Variants in MTA3 observed in about 807,000 individuals in gnomAD.
MTA3 encodes metastasis associated 1 family member 3.
In MTA3, 34 loss-of-function variants were observed where a neutral mutation model predicts 83.5. That is an observed-to-expected ratio of 0.41 (90% CI 0.31 to 0.54). MTA3 has a LOEUF of 0.54. Ranked by LOEUF, MTA3 falls within the 20% of genes least tolerant of loss-of-function variation. The pLI, the probability that MTA3 is intolerant of heterozygous loss-of-function variation, is 0.33. For missense variants in MTA3, 761 were observed against 726.4 expected, an observed-to-expected ratio of 1.05 and a Z score of -0.55; for synonymous variants, 303 against 252.7, an observed-to-expected ratio of 1.20 and a Z score of -1.89.
chr2:42,718,113 G>A (rs573514180), intron 14 of MTA3, among the ~76,000 whole-genome samples: 14 of 84,774 alleles, frequency 1.7e-4, no homozygotes, highest in Admixed American at 2.9e-4. Flanking sequence ...TTTTTTTTTC[G>A]CTTTATTTCT....
chr2:42,568,741 C>T lies in MTA3; in HGVS notation c.-5C>T, dbSNP rs1331661372. The T allele has an allele frequency of 7.4e-6, 9 of 1,216,910 alleles. No individual in the cohort carries two copies. The highest frequency in any genetic ancestry group is 3.2e-5 in the African/African-American group (2 of 63,462). 75.4% of individuals were successfully genotyped at this position (1,216,910 alleles called of 1,614,324 possible). ...GGCTCGGGCTCCGCGGGCGGGCGGG[C>T]GGACATGGCGGCCAACATGTACCGG... On this transcript the variant is annotated 5_prime_UTR_variant, in exon 1 of 17. Coordinates refer to ENST00000405094, the MANE Select transcript of MTA3 (RefSeq NM_001330442.2).
At chr2:42,732,484 T>C (rs1463295606) in intron 16 of MTA3, among the ~76,000 whole-genome samples, 8 of 152,200 alleles carry the variant, frequency 5.3e-5, no homozygotes, top group Admixed American at 5.2e-4. Flanking sequence ...GCCTGGCCTA[T>C]GAAACCACTT....
intron 3 of MTA3, among the ~76,000 whole-genome samples, chr2:42,580,788 G>T (rs1194871606): frequency 6.6e-6 from 1 of 152,156 alleles, no homozygotes; most frequent in Non-Finnish European, 1.5e-5. Flanking sequence ...TAGAGACAGG[G>T]TTTCACCATG....
At chr2:42,747,830 T>A (rs891838755) in intron 16 of MTA3, among the ~76,000 whole-genome samples, 1 of 152,016 alleles carries the variant, frequency 6.6e-6, no homozygotes, top group African/African-American at 2.4e-5. Flanking sequence ...TATTAAAATA[T>A]ACAATTTAAT....
intron 4 of MTA3, among the ~76,000 whole-genome samples, chr2:42,635,486 G>A (rs574270171): frequency 6.6e-6 from 1 of 152,122 alleles, no homozygotes; most frequent in African/African-American, 2.4e-5. Context: ...AAATGAGCTG[G>A]GTGTGATGGT....
chr2:42,543,089 C>G (rs1431067199), intron 2 of MTA3, among the ~76,000 whole-genome samples: 16 of 152,008 alleles, frequency 1.1e-4, no homozygotes, highest in Non-Finnish European at 2.2e-4. Context: ...AAACTGTATT[C>G]TCATGCTGAT....
chr2:42,568,867 C>A, intron 1 of MTA3, 94 bp downstream of exon 1: 2 of 1,164,770 alleles, frequency 1.7e-6, no homozygotes, highest in Non-Finnish European at 2.1e-6. Context: ...GAGCCAAGGG[C>A]GCCGGGGCTG....
At chr2:42,734,146 T>C (rs1057509617) in intron 16 of MTA3, among the ~76,000 whole-genome samples, 3 of 113,710 alleles carry the variant, frequency 2.6e-5, no homozygotes, top group Admixed American at 1.8e-4. Flanking sequence ...TAGCTATTAT[T>C]GTTTTGTGGT....
At chr2:42,718,237 G>C (rs183113954) in intron 14 of MTA3, among the ~76,000 whole-genome samples, 1 of 151,814 alleles carries the variant, frequency 6.6e-6, no homozygotes, top group East Asian at 2.0e-4. Flanking sequence ...TCTCTTGCAT[G>C]TAAATTATTA....
intron 16 of MTA3, among the ~76,000 whole-genome samples, chr2:42,747,712 T>C (rs773551862): frequency 6.6e-6 from 1 of 152,042 alleles, no homozygotes; most frequent in African/African-American, 2.4e-5. Flanking sequence ...TAACCAGTTA[T>C]TATGTAACTC....
chr2:42,739,933 C>T (rs766248901), intron 16 of MTA3, among the ~76,000 whole-genome samples: 1 of 152,218 alleles, frequency 6.6e-6, no homozygotes, highest in Non-Finnish European at 1.5e-5. Flanking sequence ...ACTTCTCATT[C>T]TAATTCTCCT....
At chr2:42,632,239 C>T (rs765138930) in intron 4 of MTA3, among the ~76,000 whole-genome samples, 3 of 151,724 alleles carry the variant, frequency 2.0e-5, no homozygotes, top group East Asian at 2.0e-4. Flanking sequence ...TACAGGCGGC[C>T]GCCACCATGC....
At chr2:42,723,088 C>T (rs888840758) in intron 16 of MTA3, 53 bp downstream of exon 16, 29 of 1,525,928 alleles carry the variant, frequency 1.9e-5, no homozygotes, top group Non-Finnish European at 2.5e-5. Flanking sequence ...CCTTCACACT[C>T]AGGCATGTGT....
intron 2 of MTA3, among the ~76,000 whole-genome samples, chr2:42,526,233 T>C (rs1675703246): frequency 6.6e-6 from 1 of 151,746 alleles, no homozygotes; most frequent in Admixed American, 6.6e-5. Context: ...CTGGGTTTTG[T>C]TTAGTTTTTG....
intron 2 of MTA3, among the ~76,000 whole-genome samples, chr2:42,549,530 A>G (rs1676994985): frequency 1.8e-5 from 2 of 110,176 alleles, no homozygotes; most frequent in African/African-American, 3.8e-5. Context: ...ATAATATATA[A>G]TATACATATA....
intron 4 of MTA3, among the ~76,000 whole-genome samples, chr2:42,618,209 C>T (rs1453093669): frequency 6.6e-6 from 1 of 152,070 alleles, no homozygotes; most frequent in Non-Finnish European, 1.5e-5. Context: ...TGGCCTCCCA[C>T]CGTGAGTGAA....
At chr2:42,709,213 A>G (rs1666389309) in intron 14 of MTA3, 117 bp downstream of exon 14, 3 of 1,453,972 alleles carry the variant, frequency 2.1e-6, no homozygotes, top group African/African-American at 1.4e-5. Flanking sequence ...TCTTGTGTAC[A>G]GCCTTTTATT....
intron 2 of MTA3, among the ~76,000 whole-genome samples, chr2:42,497,095 A>G (rs1214771565): frequency 1.3e-5 from 2 of 152,068 alleles, no homozygotes; most frequent in Non-Finnish European, 2.9e-5. Context: ...AATCCCAGCT[A>G]CTGGGGAGGC....
chr2:42,720,180 T>TTTATTTTA (rs892719992), intron 15 of MTA3, among the ~76,000 whole-genome samples: 5 of 144,668 alleles, frequency 3.5e-5, no homozygotes, highest in African/African-American at 1.3e-4. Flanking sequence ...TATTTATTTA[T>TTTATTTTA]TTTATTTATT....
Sources: gnomAD v4.1 joint callset for allele counts (sites outside exome capture counted in the v4.1 genomes callset) on GRCh38, gnomAD v4.1.1 for gene constraint, MANE v1.5 for transcripts, NCBI Gene and HGNC (gene_info 2026-07-23, HGNC 2026-07-21) for gene names.